Variants in MCHR2 observed in about 807,000 individuals in gnomAD.
MCHR2 encodes the protein melanin concentrating hormone receptor 2.
A neutral mutation model predicts 24.8 loss-of-function variants in MCHR2; 15 were observed. The observed-to-expected ratio is 0.60, with a 90% confidence interval of 0.40 to 0.93. The LOEUF is 0.93. Among genes scored for constraint, MCHR2 ranks in the 40% least tolerant of loss-of-function variants. The pLI is 0.00. For missense variants in MCHR2, 386 were observed against 408.7 expected, an observed-to-expected ratio of 0.94 and a Z score of 0.48; for synonymous variants, 151 against 147.6, an observed-to-expected ratio of 1.02 and a Z score of -0.17.
chr6:99,975,904 T>C (rs1241695916), intron 1 of MCHR2, among the ~76,000 whole-genome samples: 2 of 152,182 alleles, frequency 1.3e-5, no homozygotes, highest in Non-Finnish European at 2.9e-5. Flanking sequence ...GCATCCTTCA[T>C]TTGAATTCTT....
chr6:99,961,830 A>G (rs1775195107), intron 1 of MCHR2, among the ~76,000 whole-genome samples: 2 of 152,150 alleles, frequency 1.3e-5, no homozygotes, highest in African/African-American at 4.8e-5. Flanking sequence ...CATTGTGCAC[A>G]TGTACCCTAG....
intron 1 of MCHR2, among the ~76,000 whole-genome samples, chr6:99,960,048 C>T (rs1465878602): frequency 1.3e-5 from 2 of 151,904 alleles, no homozygotes; most frequent in East Asian, 3.9e-4. Flanking sequence ...AAATAGGCTA[C>T]ATCAAAAGAA....
In MCHR2 at chr6:99,920,031, T is replaced by C. The variant is rs1157750757; in HGVS notation, c.*909A>G. On this transcript the variant is annotated 3_prime_UTR_variant, in exon 6 of 6. Coordinates refer to ENST00000281806, the MANE Select transcript of MCHR2 (RefSeq NM_001040179.2). ...ATGAGCCACTGCACCCGGCCAGGAA[T>C]GTTTCCTAATTATGCTTAAAGTCCA... 6.6e-6 allele frequency: 1 copy of C among 152,252 alleles called. No individual in the cohort carries two copies. Among genetic ancestry groups the C allele is most frequent in the Non-Finnish European group, 1.5e-5 (1 of 68,068 alleles). 9.4% of individuals were successfully genotyped at this position (152,252 alleles called of 1,614,324 possible).
At chr6:99,955,443 C>T (rs1281288924) in intron 2 of MCHR2, among the ~76,000 whole-genome samples, 5 of 152,274 alleles carry the variant, frequency 3.3e-5, no homozygotes, top group Non-Finnish European at 7.4e-5. Flanking sequence ...CAGCCCACTA[C>T]CTATGACTTC....
At chr6:99,974,815 G>A (rs1294733733) in intron 1 of MCHR2, among the ~76,000 whole-genome samples, 1 of 152,220 alleles carries the variant, frequency 6.6e-6, no homozygotes, top group Admixed American at 6.5e-5. Context: ...GTTTGCTAGA[G>A]GTCCACTCCA....
intron 1 of MCHR2, among the ~76,000 whole-genome samples, chr6:99,957,924 C>T: frequency 6.6e-6 from 1 of 151,968 alleles, no homozygotes; most frequent in Non-Finnish European, 1.5e-5. Context: ...CCCAGACTGA[C>T]TTATAGATTC....
At chr6:99,926,747 G>T (rs1006103640) in intron 5 of MCHR2, among the ~76,000 whole-genome samples, 1 of 152,148 alleles carries the variant, frequency 6.6e-6, no homozygotes, top group Non-Finnish European at 1.5e-5. Flanking sequence ...CCCTTTGTCA[G>T]ATGAGTAGGT....
chr6:99,975,295 C>T (rs1436469876), intron 1 of MCHR2, among the ~76,000 whole-genome samples: 8 of 152,192 alleles, frequency 5.3e-5, no homozygotes, highest in Non-Finnish European at 1.2e-4. Context: ...CCCCCAGTCT[C>T]GCTGCCGCCT....
intron 1 of MCHR2, among the ~76,000 whole-genome samples, chr6:99,972,480 C>T (rs959528281): frequency 7.2e-5 from 11 of 152,114 alleles, no homozygotes; most frequent in Non-Finnish European, 1.2e-4. Context: ...TGCTAGCAGT[C>T]TATCAATTTT....
intron 5 of MCHR2, among the ~76,000 whole-genome samples, chr6:99,931,684 G>T (rs143059705): frequency 2.0e-5 from 3 of 152,248 alleles, no homozygotes; most frequent in East Asian, 1.9e-4. Context: ...TCCTAAGCCC[G>T]TCGGAAAAGC....
intron 2 of MCHR2, among the ~76,000 whole-genome samples, chr6:99,948,979 G>A (rs573616713): frequency 6.6e-6 from 1 of 152,180 alleles, no homozygotes; most frequent in African/African-American, 2.4e-5. Context: ...GTGGGGAGCC[G>A]GGGGTGGGAG....
intron 2 of MCHR2, 30 bp downstream of exon 2, chr6:99,955,936 G>GAAAAA: frequency 8.8e-6 from 11 of 1,244,484 alleles, no homozygotes; most frequent in Non-Finnish European, 1.2e-5. Context: ...AGTATGGAAG[G>GAAAAA]AAAAAAAAAA....
At chr6:99,975,654 T>A (rs1027394139) in intron 1 of MCHR2, among the ~76,000 whole-genome samples, 1 of 152,230 alleles carries the variant, frequency 6.6e-6, no homozygotes, top group African/African-American at 2.4e-5. Context: ...ATCACCCATC[T>A]TCTGCGTCGC....
intron 1 of MCHR2, among the ~76,000 whole-genome samples, chr6:99,976,984 A>G (rs1775564052): frequency 6.6e-6 from 1 of 152,218 alleles, no homozygotes; most frequent in Non-Finnish European, 1.5e-5. Flanking sequence ...CCAGAATGCC[A>G]ATATTTACCT....
In MCHR2 at chr6:99,943,141, T is replaced by C; in HGVS notation, c.395A>G (p.Tyr132Cys). Residue 132 changes from tyrosine to cysteine, a missense_variant and splice_region_variant, in exon 4 of 6, where the codon TAC becomes TGC. Tyr to Cys is a radical substitution (Grantham distance 194). Coordinates refer to ENST00000281806, the MANE Select transcript of MCHR2 (RefSeq NM_001040179.2). ...TCGAAATGGTTGGACGAGGGCAAAG[T>C]ACCTGCAAAGGCAGTCAGGAAGAGT... The part of the protein sequence containing the change: ...AIMTVMSVDR[Y>C]FALVQPFRLT... The C allele has an allele frequency of 1.2e-6, 2 of 1,606,484 alleles. No individual in the cohort carries two copies. The highest frequency in any genetic ancestry group is 2.2e-5 in the South Asian group (2 of 89,936).
At chr6:99,971,643 T>G (rs1190000026) in intron 1 of MCHR2, among the ~76,000 whole-genome samples, 1 of 151,372 alleles carries the variant, frequency 6.6e-6, no homozygotes, top group Non-Finnish European at 1.5e-5. Flanking sequence ...TGTGCCAGTT[T>G]TCAAAGGGAA....
At chr6:99,979,060 A>G (rs1410627754) in intron 1 of MCHR2, among the ~76,000 whole-genome samples, 1 of 152,122 alleles carries the variant, frequency 6.6e-6, no homozygotes, top group Non-Finnish European at 1.5e-5. Flanking sequence ...GGTGGGTTGG[A>G]TGGGGAATAT....
chr6:99,989,963 G>A (rs1775838413), intron 1 of MCHR2, among the ~76,000 whole-genome samples: 1 of 151,972 alleles, frequency 6.6e-6, no homozygotes, highest in Non-Finnish European at 1.5e-5. Context: ...AATTCACCTA[G>A]ATTTTTTTAA....
intron 1 of MCHR2, among the ~76,000 whole-genome samples, chr6:99,981,800 C>G (rs1775674593): frequency 6.6e-6 from 1 of 152,124 alleles, no homozygotes; most frequent in Admixed American, 6.6e-5. Context: ...AAATGGCTCA[C>G]CTCTAAGAAA....
Sources: gnomAD v4.1 joint callset for allele counts (sites outside exome capture counted in the v4.1 genomes callset) on GRCh38, gnomAD v4.1.1 for gene constraint, MANE v1.5 for transcripts, NCBI Gene and HGNC (gene_info 2026-07-23, HGNC 2026-07-21) for gene names.